The following EZH2 variants were observed in gnomAD, a reference collection of about 807,000 sequenced individuals.
EZH2 encodes the protein enhancer of zeste 2 polycomb repressive complex 2 subunit, also known as histone-lysine N-methyltransferase EZH2.
In EZH2, 18 loss-of-function variants were observed where a neutral mutation model predicts 98.4. That is an observed-to-expected ratio of 0.18 (90% confidence interval 0.13 to 0.27). The LOEUF (loss-of-function observed/expected upper bound fraction) is 0.27. Ranked by LOEUF, EZH2 falls within the 10% of genes least tolerant of loss-of-function variation. EZH2 has a pLI of 1.00. For synonymous variants in EZH2, 338 were observed against 312.3 expected (o/e 1.08, Z -0.87); for missense variants, 470 against 935.1 (o/e 0.50, Z 6.49).
chr7:148,823,612 C>A (rs1193070268), intron 8 of EZH2, among the ~76,000 whole-genome samples: 1 of 149,728 alleles, frequency 6.7e-6, no homozygotes, highest in Non-Finnish European at 1.5e-5. Context: ...GGATGGGGAA[C>A]AGAAAGTCAT....
intron 17 of EZH2, among the ~76,000 whole-genome samples, chr7:148,809,728 T>G (rs996555158): frequency 6.6e-6 from 1 of 152,100 alleles, no homozygotes; most frequent in Admixed American, 6.5e-5. Flanking sequence ...ACATTTAAAA[T>G]TAGTTTTTTT....
rs1223583634 is a variant in EZH2 at position 148,861,523 on chromosome 7, G to A, written c.-7-14218C>T. ...ATTACAGGCATGAGCCACAGCGCCC[G>A]CCCTGTTCTATTATTTTATTGGCTT... On this transcript the variant is annotated intron_variant, in intron 1 of 19. Coordinates refer to ENST00000320356, the MANE Select transcript of EZH2 (RefSeq NM_004456.5). 2.6e-5 allele frequency among the ~76,000 whole-genome samples: 4 copies of A among 152,108 alleles called. No homozygotes were observed. The East Asian group carries it at 7.7e-4, about 29-fold the overall frequency.
chr7:148,850,744 C>A (rs1815523531), intron 1 of EZH2, among the ~76,000 whole-genome samples: 5 of 152,142 alleles, frequency 3.3e-5, no homozygotes, highest in Admixed American at 3.3e-4. Context: ...CCCCACTTAT[C>A]TCCCAAGACC....
In EZH2 at chr7:148,847,176, T is replaced by G. The variant is rs748373676; in HGVS notation, c.117+6A>C. ...ATATTCATTTTCACAAAAGATAAAATTATACCTTTACTTCATCAGCTCGTC... is the reference window on the plus strand; with the variant it reads ...ATATTCATTTTCACAAAAGATAAAAGTATACCTTTACTTCATCAGCTCGTC... On this transcript the variant is annotated splice_donor_region_variant and intron_variant, in intron 2 of 19. Coordinates refer to ENST00000320356, the MANE Select transcript of EZH2 (RefSeq NM_004456.5). 7.5e-6 allele frequency: 12 copies of G among 1,603,224 alleles called. No individual in the cohort carries two copies. The highest frequency in any genetic ancestry group is 2.3e-5 in the South Asian group (2 of 88,826).
intron 1 of EZH2, among the ~76,000 whole-genome samples, chr7:148,866,012 C>G (rs1237817593): frequency 6.6e-6 from 1 of 152,176 alleles, no homozygotes; most frequent in Non-Finnish European, 1.5e-5. Flanking sequence ...TCTTCAGAAA[C>G]TCCTCTGGCT....
chr7:148,810,579 G>T (rs1802762547), intron 16 of EZH2, among the ~76,000 whole-genome samples, 165 bp from the exon 17 acceptor site: 2 of 152,166 alleles, frequency 1.3e-5, no homozygotes, highest in Non-Finnish European at 2.9e-5. Context: ...CAGTAATAAA[G>T]AATAACTGTA....
intron 3 of EZH2, among the ~76,000 whole-genome samples, chr7:148,833,675 T>G (rs1315869715): frequency 6.6e-6 from 1 of 152,198 alleles, no homozygotes; most frequent in African/African-American, 2.4e-5. Flanking sequence ...TATTAGCTGA[T>G]TACTAAGTAC....
chr7:148,809,421 G>A (rs1490169334), intron 17 of EZH2, 31 bp from the exon 18 acceptor site: 2 of 1,532,960 alleles, frequency 1.3e-6, no homozygotes, highest in South Asian at 2.3e-5. Flanking sequence ...ACAGCCCAGT[G>A]AATAATTTCA....
At chr7:148,837,423 G>C (rs1415542779) in intron 3 of EZH2, among the ~76,000 whole-genome samples, 2 of 152,140 alleles carry the variant, frequency 1.3e-5, no homozygotes, top group Non-Finnish European at 2.9e-5. Context: ...ACCAAGTCTA[G>C]AGAAAAGCTG....
intron 4 of EZH2, among the ~76,000 whole-genome samples, chr7:148,831,284 A>C (rs1809317539): frequency 1.3e-5 from 2 of 152,242 alleles, no homozygotes; most frequent in African/African-American, 4.8e-5. Context: ...GTATTCATAT[A>C]TTCAAATTCA....
chr7:148,832,713 A>C lies in EZH2; in HGVS notation c.284T>G (p.Val95Gly). 6.2e-7 allele frequency: 1 copy of C among 1,609,760 alleles called. No individual in the cohort carries two copies. The highest frequency in any genetic ancestry group is 1.3e-5 in the African/African-American group (1 of 74,966). ...TGCATTCAGAGTCTTTAATGGGATG[A>C]CTTGTGTTGGAAAATCCAAGTCACT... The part of the protein sequence containing the change: ...VTSDLDFPTQ[V>G]IPLKTLNAVA... Residue 95 changes from valine (V) to glycine (G), a missense_variant, in exon 4 of 20, where the codon GTC becomes GGC. By Grantham distance (109) the Val-to-Gly change is moderately radical. Transcript: ENST00000320356.
chr7:148,871,905 A>G (rs916308922), intron 1 of EZH2, among the ~76,000 whole-genome samples: 5 of 152,156 alleles, frequency 3.3e-5, no homozygotes, highest in African/African-American at 1.2e-4. Flanking sequence ...TGGCTGGTTG[A>G]AAAAAATCCA....
chr7:148,836,719 A>G lies in EZH2; in HGVS notation c.247-3969T>C, dbSNP rs547055342. 2.8e-4 allele frequency: 109 copies of G among 386,506 alleles called. 1 individual carries two copies. Among genetic ancestry groups the G allele is most frequent in the South Asian group, 8.7e-4 (42 of 48,158 alleles). The allele number at this position is 386,506 out of a possible 1,614,324, so 23.9% of individuals were successfully genotyped here. ...TTCATCATCAATGGTTTAAAAAAAA[A>G]GGGGATGGGGGGGACTAGAATCATT... On this transcript the variant is annotated intron_variant, in intron 3 of 19. Transcript: ENST00000320356.
chr7:148,815,250 C>T lies in EZH2; in HGVS notation c.1547-211G>A, dbSNP rs558461595. 2.6e-5 allele frequency among the ~76,000 whole-genome samples: 4 copies of T among 152,286 alleles called. No homozygotes were observed. In the East Asian group the frequency reaches 5.8e-4, roughly 22 times the overall value. On this transcript the variant is annotated intron_variant, in intron 13 of 19. Coordinates refer to ENST00000320356, the MANE Select transcript of EZH2 (RefSeq NM_004456.5). ...GTGCTTATGAGTTCCATCTAAAGCA[C>T]GGCTACATCTCAGTCCCATCCCAAA...
chr7:148,839,330 A>T (rs1356378725), intron 3 of EZH2, among the ~76,000 whole-genome samples: 1 of 152,126 alleles, frequency 6.6e-6, no homozygotes, highest in Non-Finnish European at 1.5e-5. Context: ...CAAATCCCCT[A>T]CCCATTCTTT....
In EZH2 at chr7:148,838,316, G is replaced by A. The variant is rs117261864; in HGVS notation, c.247-5566C>T. 8.2e-3 allele frequency among the ~76,000 whole-genome samples: 1,248 copies of A among 152,012 alleles called. 10 individuals are homozygous for A. Among genetic ancestry groups the A allele is most frequent in the Middle Eastern group, 0.014 (4 of 294 alleles). ...ATTTAGATCCTTAAAGCTCTTCCCC[G>A]CATCCTACCTTCAGAAGCCGGGCCC... On this transcript the variant is annotated intron_variant, in intron 3 of 19. Transcript: ENST00000320356.
At chr7:148,826,705 T>C (rs1807810556) in intron 7 of EZH2, 73 bp from the exon 8 acceptor site, 1 of 1,243,654 alleles carries the variant, frequency 8.0e-7, no homozygotes, top group Admixed American at 2.9e-5. Flanking sequence ...TTCTAAAAGG[T>C]TTCCATGTGT....
intron 1 of EZH2, among the ~76,000 whole-genome samples, chr7:148,866,565 T>TATATATACGTATATAC (rs1563063397): frequency 1.0e-4 from 15 of 143,202 alleles, no homozygotes; most frequent in African/African-American, 2.7e-4. Flanking sequence ...CATATATACA[T>TATATATACGTATATAC]ATATATACGT....
intron 1 of EZH2, among the ~76,000 whole-genome samples, chr7:148,865,068 G>C (rs1464621157): frequency 6.7e-6 from 1 of 150,336 alleles, no homozygotes; most frequent in East Asian, 2.0e-4. Context: ...CAGAGGATGC[G>C]TTAAGCTGAG....
Sources: allele counts gnomAD v4.1 joint callset (sites outside exome capture counted in the v4.1 genomes callset), GRCh38; gene constraint gnomAD v4.1.1; transcripts MANE v1.5; gene names NCBI Gene and HGNC (gene_info 2026-07-23, HGNC 2026-07-21).